Variants in RIN2 observed in about 807,000 individuals in gnomAD.
RIN2 encodes the protein RAB5 interacting protein 2.
Under a neutral mutation model 78.0 loss-of-function variants are expected in RIN2, and 36 were observed. The observed-to-expected ratio is 0.46, with a 90% CI of 0.35 to 0.61. The LOEUF (loss-of-function observed/expected upper bound fraction) is 0.61. Among genes scored for constraint, RIN2 ranks in the 20% least tolerant of loss-of-function variants. The pLI is 0.00. For synonymous variants in RIN2, 466 were observed against 466.8 expected, an observed-to-expected ratio of 1.00 and a Z score of 0.02; for missense variants, 1,087 against 1,159.7, an observed-to-expected ratio of 0.94 and a Z score of 0.91.
In RIN2 at chr20:19,990,194, G is replaced by T. The variant is rs1342640267; in HGVS notation, c.1951G>T (p.Val651Leu). 1 of 1,610,044 alleles carries T rather than the reference G, an allele frequency of 6.2e-7. No individual in the cohort carries two copies. The highest frequency in any genetic ancestry group is 1.1e-5 in the South Asian group (1 of 89,946). Residue 651 changes from valine (V) to leucine (L), a missense_variant, in exon 10 of 13, where the codon GTG becomes TTG. Val to Leu is a conservative substitution (Grantham distance 32). Transcript: ENST00000255006. ...VFAPTPDFVD[V>L]EKIKVKFMTM... ...CGCCCCGACCCCTGATTTTGTGGAT[G>T]TGGAGAAAATCAAAGTCAAGTTCAT...
intron 2 of RIN2, among the ~76,000 whole-genome samples, chr20:19,844,693 TCTTCC>T (rs1285224236): frequency 8.7e-4 from 7 of 8,074 alleles, no homozygotes; most frequent in East Asian, 8.3e-3. Flanking sequence ...TTCCTCTTCC[TCTTCC>T]TCTTCTTCTT....
At chr20:19,895,422 C>T (rs1568581860) in intron 3 of RIN2, among the ~76,000 whole-genome samples, 2 of 152,192 alleles carry the variant, frequency 1.3e-5, no homozygotes, top group Non-Finnish European at 2.9e-5. Flanking sequence ...GCCTGCCCTC[C>T]CCAGCCTCAA....
intron 1 of RIN2, among the ~76,000 whole-genome samples, chr20:19,762,646 G>GA (rs1383198604): frequency 6.6e-6 from 1 of 152,184 alleles, no homozygotes; most frequent in Non-Finnish European, 1.5e-5. Flanking sequence ...CTAGAAGGCT[G>GA]ATGGGTCATT....
In RIN2 at chr20:19,975,936, T is replaced by C. The variant is rs1251839250; in HGVS notation, c.1762+149T>C. The C allele has an allele frequency of 5.6e-5, 45 of 800,542 alleles. No homozygotes were observed. In the Middle Eastern group the frequency reaches 2.1e-3, roughly 38 times the overall value. The allele number at this position is 800,542 out of a possible 1,614,324, so 49.6% of individuals were successfully genotyped here. ...CTCCCGGTTTGAATGGAAAAATCAG[T>C]TTCTCAAAGTAGCTGCTGACTGCCA... is the stretch of plus-strand genomic sequence containing the variant. On this transcript the variant is annotated intron_variant, in intron 9 of 12. Transcript: ENST00000255006. This position sits in a 1 kb window ranked among gnomAD's most constrained non-coding sequence, Gnocchi z 4.9.
chr20:19,894,729 C>T (rs906977889), intron 3 of RIN2, among the ~76,000 whole-genome samples: 1 of 152,064 alleles, frequency 6.6e-6, no homozygotes, highest in Non-Finnish European at 1.5e-5. Flanking sequence ...ACCTCTTTTT[C>T]GTCATTATCC....
rs761930262 is a variant in RIN2, at chr20:19,975,597, C to T, written c.1572C>T (p.Asp524=). The change falls in exon 9 of 13, where the codon GAC becomes GAT. Residue 524 remains aspartate (D), a synonymous_variant. Transcript: ENST00000255006. This position sits in a 1 kb window ranked among gnomAD's most constrained non-coding sequence, Gnocchi z 4.9. ...GCAGGATCGCCGAGCTTTCCCGGGA[C>T]AAATGCACCTACTTCGGGTGCTTAG... ...MVRRIAELSR[D]KCTYFGCLVQ... 1 of 1,613,998 alleles carries T rather than the reference C, an allele frequency of 6.2e-7. No homozygotes were observed. The highest frequency in any genetic ancestry group is 8.5e-7 in the Non-Finnish European group (1 of 1,179,904).
chr20:19,790,914 T>C (rs2034869076), intron 1 of RIN2, among the ~76,000 whole-genome samples: 1 of 152,202 alleles, frequency 6.6e-6, no homozygotes, highest in African/African-American at 2.4e-5. Context: ...GGCCTGCCTT[T>C]CCATGTGAAT....
Position 19,916,951 on chromosome 20 carries a change from G to A in RIN2, c.58-18148G>A, listed in dbSNP as rs79744820. Among the ~76,000 whole-genome samples the A allele has an allele frequency of 6.9e-3, 1,047 of 152,194 alleles. 18 individuals carry two copies. Among genetic ancestry groups the A allele is most frequent in the African/African-American group, 0.024 (1,006 of 41,506 alleles). ...AATTCATAGGCATCTGGAGACAGTG[G>A]CATAGAAGCAGTGGGCGCAGGAAAA... On this transcript the variant is annotated intron_variant, in intron 3 of 12. Transcript: ENST00000255006.
chr20:19,791,350 TC>T (rs2034884576), intron 1 of RIN2, among the ~76,000 whole-genome samples: 2 of 152,234 alleles, frequency 1.3e-5, no homozygotes, highest in African/African-American at 4.8e-5. Flanking sequence ...TTATTTAATT[TC>T]CTCTTACATA....
In RIN2 at chr20:19,975,268, A is replaced by C. The variant is rs754118569; in HGVS notation, c.1243A>C (p.Ser415Arg). The C allele has an allele frequency of 6.3e-7, 1 of 1,590,260 alleles. No homozygotes were observed. The highest frequency in any genetic ancestry group is 8.6e-7 in the Non-Finnish European group (1 of 1,168,686). ...GGATTGCACAAGGGCCCCGCCGCCC[A>C]GCTCTGAATCACGGCCCCCGTGCCA... ...PGDCTRAPPP[S>R]SESRPPCHGG... The change falls in exon 9 of 13, where the codon AGC (serine) becomes CGC (arginine). Residue 415 changes from serine to arginine, a missense_variant. Ser to Arg is a moderately radical substitution (Grantham distance 110, BLOSUM62 -1). Around this residue, in one of 8 missense-constraint regions of RIN2, gnomAD observed 706 missense variants for 667.5 expected, o/e 1.06. Coordinates refer to ENST00000255006, the MANE Select transcript of RIN2 (RefSeq NM_018993.4). The surrounding 1 kb of genome is among the most constrained non-coding windows in gnomAD (Gnocchi z 4.9).
intron 4 of RIN2, among the ~76,000 whole-genome samples, chr20:19,943,196 G>T (rs2040949948): frequency 6.6e-6 from 1 of 152,174 alleles, no homozygotes; most frequent in African/African-American, 2.4e-5. Flanking sequence ...TATTTTTACA[G>T]GAACAAATGA....
chr20:19,901,745 G>A (rs918786181), intron 3 of RIN2, among the ~76,000 whole-genome samples: 4 of 151,998 alleles, frequency 2.6e-5, no homozygotes, highest in Admixed American at 1.3e-4. Context: ...GGTCGAGTGC[G>A]GTGGCCCACA....
chr20:19,935,655 G>A (rs1164571434), intron 4 of RIN2: 1 of 979,386 alleles, frequency 1.0e-6, no homozygotes, highest in Non-Finnish European at 1.2e-6. Flanking sequence ...AACCTGAAAA[G>A]CCGTGCAGTG....
chr20:19,989,665 AC>A (rs1457830232), intron 9 of RIN2, among the ~76,000 whole-genome samples: 8 of 152,200 alleles, frequency 5.3e-5, no homozygotes, highest in Non-Finnish European at 1.2e-4. Context: ...TAATTGGATG[AC>A]CAGTTGAAGG....
intron 1 of RIN2, among the ~76,000 whole-genome samples, chr20:19,785,014 T>G (rs1162233524): frequency 1.3e-5 from 2 of 152,150 alleles, no homozygotes; most frequent in African/African-American, 4.8e-5. Flanking sequence ...TCAGACATGC[T>G]TCCCCTCTTC....
intron 4 of RIN2, among the ~76,000 whole-genome samples, chr20:19,942,327 G>A (rs2040911505): frequency 6.6e-6 from 1 of 152,154 alleles, no homozygotes. Context: ...GTAATTCTAG[G>A]TCAGAGGTAC....
intron 1 of RIN2, among the ~76,000 whole-genome samples, chr20:19,777,049 A>G (rs926635912): frequency 9.9e-5 from 15 of 152,198 alleles, no homozygotes; most frequent in Non-Finnish European, 1.0e-4. Context: ...AAAATAGGAA[A>G]AGGAGTGAGG....
intron 1 of RIN2, among the ~76,000 whole-genome samples, chr20:19,794,314 G>A (rs2034980941): frequency 6.6e-6 from 1 of 152,162 alleles, no homozygotes; most frequent in Non-Finnish European, 1.5e-5. Context: ...CCAGCACTTT[G>A]GGAGGCCACG....
intron 9 of RIN2, among the ~76,000 whole-genome samples, chr20:19,987,526 G>T (rs2042658365): frequency 1.3e-5 from 2 of 152,196 alleles, no homozygotes; most frequent in South Asian, 4.1e-4. Context: ...CTGAGCCTCA[G>T]TTTCCCCATC....
Sources: allele counts gnomAD v4.1 joint callset (sites outside exome capture counted in the v4.1 genomes callset), GRCh38; gene constraint gnomAD v4.1.1; regional missense constraint gnomAD v4.1.1; non-coding constraint Gnocchi (gnomAD v3.1); transcripts MANE v1.5; gene names NCBI Gene and HGNC (gene_info 2026-07-23, HGNC 2026-07-21).